C6orf132: variants seen among roughly 807,000 people sequenced by gnomAD.
The protein encoded by C6orf132 is chromosome 6 open reading frame 132, also known as uncharacterized protein C6orf132.
A neutral mutation model predicts 65.3 loss-of-function variants in C6orf132; 43 were observed. That is an observed-to-expected ratio of 0.66 (90% CI 0.52 to 0.85). The LOEUF (loss-of-function observed/expected upper bound fraction) is 0.85, where lower values mean the gene tolerates loss of function less well. Ranked by LOEUF, C6orf132 falls within the 40% of genes least tolerant of loss-of-function variation. C6orf132 has a pLI of 0.00. For missense variants in C6orf132, 1,488 were observed against 1,548.8 expected (o/e 0.96, Z 0.66); for synonymous variants, 631 against 654.1 (o/e 0.96, Z 0.54).
rs775515263 is a variant in C6orf132, at chr6:42,104,760, A to G, written c.3152T>C (p.Leu1051Pro). 3.3e-6 allele frequency: 5 copies of G among 1,517,162 alleles called. No individual in the cohort carries two copies. In the South Asian group the frequency reaches 6.0e-5, roughly 18 times the overall value. The allele number at this position is 1,517,162 out of a possible 1,614,324, so 94.0% of individuals were successfully genotyped here. ...GCGGCCCCCTCCCGAGAAGCGCTCCAGGCCCCCAGCCCCGGCGTAGCGCGC... is the reference window on the plus strand; with the variant it reads ...GCGGCCCCCTCCCGAGAAGCGCTCCGGGCCCCCAGCCCCGGCGTAGCGCGC... ...AGARYAGAGG[L>P]ERFSGGGRSL... The change falls in exon 4 of 5, where the codon CTG (leucine) becomes CCG (proline). Residue 1051 changes from leucine to proline, a missense_variant. Coordinates refer to ENST00000341865, the MANE Select transcript of C6orf132 (RefSeq NM_001164446.3). The surrounding 1 kb of genome is among the most constrained non-coding windows in gnomAD (Gnocchi z 4.1).
rs1766416750 is a variant in C6orf132 at position 42,106,757 on chromosome 6, T to C, written c.1155A>G (p.Glu385=). Residue 385 remains glutamate (E), a synonymous_variant, in exon 4 of 5, where the codon GAA becomes GAG. Coordinates refer to ENST00000341865, the MANE Select transcript of C6orf132 (RefSeq NM_001164446.3). ...GGGCTGGAGGCGGAGTCCCAGCTCGTTCATCTGCTTGGGACTGGGACTGGC... is the reference window on the plus strand; with the variant it reads ...GGGCTGGAGGCGGAGTCCCAGCTCGCTCATCTGCTTGGGACTGGGACTGGC... The part of the protein sequence containing the change: ...RLGQSQSQAD[E]RAGTPPPAPP... 6.5e-7 allele frequency: 1 copy of C among 1,532,352 alleles called. No homozygotes were observed. Among genetic ancestry groups the C allele is most frequent in the Non-Finnish European group, 8.7e-7 (1 of 1,145,836 alleles). The allele number at this position is 1,532,352 out of a possible 1,614,324, so 94.9% of individuals were successfully genotyped here.
intron 1 of C6orf132, among the ~76,000 whole-genome samples, chr6:42,129,647 C>T (rs1302465136): frequency 1.3e-5 from 2 of 152,184 alleles, no homozygotes; most frequent in Non-Finnish European, 2.9e-5. Context: ...ACTCACATCA[C>T]ATCACATCCC....
In C6orf132 at chr6:42,107,431, AC is replaced by A; in HGVS notation, c.480del (p.Ser161ArgfsTer64). 3 of 1,268,558 alleles carry A rather than the reference AC, an allele frequency of 2.4e-6. No individual in the cohort carries two copies. In the South Asian group the frequency reaches 4.1e-5, roughly 17 times the overall value. 78.6% of individuals were successfully genotyped at this position (1,268,558 alleles called of 1,614,324 possible). A position where few individuals can be genotyped will look rare whatever the true frequency, so the allele number is the denominator to read the frequency against. The stretch of plus-strand genomic sequence containing the variant: ...GTGGAAGGTGGAGATGGCAGTGGCG[AC>A]CCCCCTGGAGGTTCTGAAATGTCCT... ...PPQDISEPPG[G>X]SPLPSPPSTA... On this transcript the variant is annotated frameshift_variant, in exon 4 of 5. Transcript: ENST00000341865. LOFTEE classifies it high-confidence loss of function.
rs1160670468 is a variant in C6orf132, at chr6:42,123,468, G to A, written c.252+5204C>T. Reference sequence around the variant, plus strand: ...AGAAGGAGAAGAAGGAGAAGGAGAAGAAGGAGAAGGAGAAGAAGAAGAAGA... The same window carrying A: ...AGAAGGAGAAGAAGGAGAAGGAGAAAAAGGAGAAGGAGAAGAAGAAGAAGA... On this transcript the variant is annotated intron_variant, in intron 2 of 4. Coordinates refer to ENST00000341865, the MANE Select transcript of C6orf132 (RefSeq NM_001164446.3). 2.5e-5 allele frequency among the ~76,000 whole-genome samples: 3 copies of A among 117,720 alleles called. No individual in the cohort carries two copies. The Admixed American group carries it at 2.6e-4, about 10-fold the overall frequency. The allele number at this position is 117,720 out of a possible 152,430, so 77.2% of individuals were successfully genotyped here. A position where few individuals can be genotyped will look rare whatever the true frequency, so the allele number is the denominator to read the frequency against.
At chr6:42,109,476 G>A (rs551040803) in intron 3 of C6orf132, among the ~76,000 whole-genome samples, 15 of 151,630 alleles carry the variant, frequency 9.9e-5, no homozygotes, top group East Asian at 3.9e-4. Flanking sequence ...AGAAGGCCTC[G>A]CAGAGAAGGT....
chr6:42,105,418 C>T lies in C6orf132; in HGVS notation c.2494G>A (p.Val832Met). Residue 832 changes from valine (V) to methionine (M), a missense_variant, in exon 4 of 5, where the codon GTG becomes ATG. Physicochemically the swap from Val to Met is conservative, Grantham distance 21. Coordinates refer to ENST00000341865, the MANE Select transcript of C6orf132 (RefSeq NM_001164446.3). ...GCCATCGGCGAGCCCCGCTCCACCA[C>T]CTCCCCAGTCACCGGGTGCCTGAGG... is the stretch of plus-strand genomic sequence containing the variant. ...ELLRHPVTGEVVERGSPMALL... is the reference protein window; with the variant it reads ...ELLRHPVTGEMVERGSPMALL... The T allele has an allele frequency of 6.5e-7, 1 of 1,535,504 alleles. No individual in the cohort carries two copies. Among genetic ancestry groups the T allele is most frequent in the Non-Finnish European group, 8.7e-7 (1 of 1,146,210 alleles).
intron 3 of C6orf132, among the ~76,000 whole-genome samples, chr6:42,108,295 G>A (rs544680752): frequency 1.3e-5 from 2 of 152,260 alleles, no homozygotes; most frequent in South Asian, 2.1e-4. Context: ...GTCAGTGCTC[G>A]CTTCTTACAG....
At chr6:42,113,192 T>A (rs1562035543) in intron 2 of C6orf132, among the ~76,000 whole-genome samples, 1 of 152,206 alleles carries the variant, frequency 6.6e-6, no homozygotes, top group Non-Finnish European at 1.5e-5. Flanking sequence ...CTGATTTTGA[T>A]GAGATGGAGG....
At position 42,110,254 on chromosome 6, in the gene C6orf132, G is replaced by C; in HGVS notation, c.290C>G (p.Pro97Arg). 1 of 1,548,186 alleles carries C rather than the reference G, an allele frequency of 6.5e-7. No homozygotes were observed. Among genetic ancestry groups the C allele is most frequent in the Non-Finnish European group, 8.7e-7 (1 of 1,145,670 alleles). Reference sequence around the variant, plus strand: ...GTCTGCAAAATCATCTGGAACCGAGGGGGTGGGCACAGCCAGCCCATGGTT... The same window carrying C: ...GTCTGCAAAATCATCTGGAACCGAGCGGGTGGGCACAGCCAGCCCATGGTT... Reference protein sequence around the residue: ...QENHGLAVPTPSVPDDFADKE... With the variant: ...QENHGLAVPTRSVPDDFADKE... The change falls in exon 3 of 5, where the codon CCC becomes CGC. Residue 97 changes from proline to arginine, a missense_variant. By Grantham distance (103) the Pro-to-Arg change is moderately radical. Coordinates refer to ENST00000341865, the MANE Select transcript of C6orf132 (RefSeq NM_001164446.3).
In C6orf132 at chr6:42,103,739, T is replaced by G. The variant is rs1582266145; in HGVS notation, c.*22A>C. The G allele has an allele frequency of 7.6e-7, 1 of 1,324,456 alleles. No homozygotes were observed. Among genetic ancestry groups the G allele is most frequent in the Non-Finnish European group, 9.8e-7 (1 of 1,023,814 alleles). 82.0% of individuals were successfully genotyped at this position (1,324,456 alleles called of 1,614,324 possible). ...TCCTTAAAGACACAGTTTGTTGGAG[T>G]AGAGCTAAGAGAACCCCTGGCTCAG... On this transcript the variant is annotated 3_prime_UTR_variant, in exon 5 of 5. Coordinates refer to ENST00000341865, the MANE Select transcript of C6orf132 (RefSeq NM_001164446.3).
In C6orf132 at chr6:42,128,726, T is replaced by G. The variant is rs1433873684; in HGVS notation, c.198A>C (p.Thr66=). 5 of 1,551,604 alleles carry G rather than the reference T, an allele frequency of 3.2e-6. No individual in the cohort carries two copies. In the South Asian group the frequency reaches 5.9e-5, roughly 18 times the overall value. Residue 66 remains threonine, a synonymous_variant, in exon 2 of 5, where the codon ACA becomes ACC. Coordinates refer to ENST00000341865, the MANE Select transcript of C6orf132 (RefSeq NM_001164446.3). The part of the protein sequence containing the change: ...NRFNTVSESG[T]ATLKARPRVR... ...CTCTTGGCCGAGCTTTCAGCGTGGC[T>G]GTTCCTGACTCGCTCACTGTGTTAA...
intron 1 of C6orf132, among the ~76,000 whole-genome samples, chr6:42,140,497 T>A (rs1357363011): frequency 6.6e-6 from 1 of 152,088 alleles, no homozygotes; most frequent in Non-Finnish European, 1.5e-5. Flanking sequence ...CCGCTAAGAG[T>A]GTGATCTCTG....
chr6:42,137,028 G>A lies in C6orf132; in HGVS notation c.145+5272C>T, dbSNP rs78882700. ...ACTCTCCCTTCATCCCGAAACTACC[G>A]AAACAAATCTAATCTTAACAAGATT... On this transcript the variant is annotated intron_variant, in intron 1 of 4. Transcript: ENST00000341865. Among the ~76,000 whole-genome samples the A allele has an allele frequency of 9.6e-3, 1,462 of 152,220 alleles. 26 individuals carry two copies. The highest frequency in any genetic ancestry group is 0.031 in the African/African-American group (1,295 of 41,508).
rs1326973101 is a variant in C6orf132, at chr6:42,123,463, GAGAAGAAGGAGAAGGAGAAGA to G, written c.252+5188_252+5208del. Among the ~76,000 whole-genome samples, 71 of 96,610 alleles carry G rather than the reference GAGAAGAAGGAGAAGGAGAAGA, an allele frequency of 7.3e-4. 1 individual carries two copies. Among genetic ancestry groups the G allele is most frequent in the Non-Finnish European group, 3.0e-4 (14 of 46,176 alleles). 63.4% of individuals were successfully genotyped at this position (96,610 alleles called of 152,430 possible). A position where few individuals can be genotyped will look rare whatever the true frequency, so the allele number is the denominator to read the frequency against. ...GGAGAAGAAGGAGAAGAAGGAGAAG[GAGAAGAAGGAGAAGGAGAAGA>G]AGAAGAAGAAAAGAAGAAAGAAGAA... On this transcript the variant is annotated intron_variant, in intron 2 of 4. Transcript: ENST00000341865.
intron 3 of C6orf132, among the ~76,000 whole-genome samples, chr6:42,108,179 G>A (rs2127474018): frequency 6.6e-6 from 1 of 152,342 alleles, no homozygotes; most frequent in East Asian, 1.9e-4. Flanking sequence ...AAGCCAGAAA[G>A]TCCAGGGTTC....
chr6:42,128,989 C>T (rs899494585), intron 1 of C6orf132, among the ~76,000 whole-genome samples: 7 of 152,202 alleles, frequency 4.6e-5, no homozygotes, highest in South Asian at 2.1e-4. Flanking sequence ...GTGAGGGACT[C>T]GGTGTTCGTG....
chr6:42,121,113 ATCCC>A (rs765593020), intron 2 of C6orf132, among the ~76,000 whole-genome samples: 34 of 152,262 alleles, frequency 2.2e-4, no homozygotes, highest in South Asian at 1.5e-3. Flanking sequence ...AATGGGAATA[ATCCC>A]ACCTCCCTTA....
In C6orf132 at chr6:42,104,900, C is replaced by T; in HGVS notation, c.3012G>A (p.Gln1004=). 6.9e-7 allele frequency: 1 copy of T among 1,453,350 alleles called. No homozygotes were observed. The highest frequency in any genetic ancestry group is 9.0e-7 in the Non-Finnish European group (1 of 1,107,242). 90.0% of individuals were successfully genotyped at this position (1,453,350 alleles called of 1,614,324 possible). A position where few individuals can be genotyped will look rare whatever the true frequency, so the allele number is the denominator to read the frequency against. ...NDPEPPAPAL[Q]YLGRQSSPPR... is the part of the protein sequence containing the mutation. Reference sequence around the variant, plus strand: ...GAGGGGAGCTCTGGCGGCCCAGATACTGGAGGGCCGGGGCCGGGGGCTCAG... The same window carrying T: ...GAGGGGAGCTCTGGCGGCCCAGATATTGGAGGGCCGGGGCCGGGGGCTCAG... Residue 1004 remains glutamine (Q), a synonymous_variant, in exon 4 of 5, where the codon CAG becomes CAA. Transcript: ENST00000341865. This position sits in a 1 kb window ranked among gnomAD's most constrained non-coding sequence, Gnocchi z 4.1.
In C6orf132 at chr6:42,104,076, C is replaced by T. The variant is rs182644087; in HGVS notation, c.3450-198G>A. Among the ~76,000 whole-genome samples, 25 of 152,348 alleles carry T rather than the reference C, an allele frequency of 1.6e-4. No individual in the cohort carries two copies. The highest frequency in any genetic ancestry group is 4.1e-4 in the South Asian group (2 of 4,826). On this transcript the variant is annotated intron_variant, in intron 4 of 4. Coordinates refer to ENST00000341865, the MANE Select transcript of C6orf132 (RefSeq NM_001164446.3). This position sits in a 1 kb window ranked among gnomAD's most constrained non-coding sequence, Gnocchi z 4.1. The stretch of plus-strand genomic sequence containing the variant: ...CCCATTCTGGTCTGGGCCCTGCTGG[C>T]CGGAGAACATGCCTAACAGCCTTTC...
Sources: allele counts gnomAD v4.1 joint callset (sites outside exome capture counted in the v4.1 genomes callset), GRCh38; gene constraint gnomAD v4.1.1; non-coding constraint Gnocchi (gnomAD v3.1); transcripts MANE v1.5; gene names NCBI Gene and HGNC (gene_info 2026-07-23, HGNC 2026-07-21).